COL1A2: variants seen among roughly 807,000 people sequenced by gnomAD.
COL1A2 encodes collagen type I alpha 2 chain.
In COL1A2, 49 loss-of-function variants were observed where a neutral mutation model predicts 174.3. That is an observed-to-expected ratio of 0.28 (90% confidence interval 0.22 to 0.36). The LOEUF (loss-of-function observed/expected upper bound fraction) is 0.36. Among genes scored for constraint, COL1A2 ranks in the 10% least tolerant of loss-of-function variants. COL1A2 has a pLI of 1.00. For missense variants in COL1A2, 1,438 were observed against 1,822.7 expected, an observed-to-expected ratio of 0.79 and a Z score of 3.84; for synonymous variants, 655 against 606.6, an observed-to-expected ratio of 1.08 and a Z score of -1.17.
At chr7:94,426,586 G>A in intron 46 of COL1A2, 56 bp downstream of exon 46, 1 of 1,339,806 alleles carries the variant, frequency 7.5e-7, no homozygotes, top group Non-Finnish European at 1.1e-6. Flanking sequence ...CTTCAGCTCA[G>A]AAGGATTTTC....
In COL1A2 at chr7:94,405,015, T is replaced by A. The variant is rs1791766363; in HGVS notation, c.432+123T>A. 2.6e-6 allele frequency: 3 copies of A among 1,176,074 alleles called. No homozygotes were observed. In the African/African-American group the frequency reaches 4.6e-5, roughly 18 times the overall value. 72.9% of individuals were successfully genotyped at this position (1,176,074 alleles called of 1,614,324 possible). The stretch of plus-strand genomic sequence containing the variant: ...AATATGCCTGACAGAACTCTTAATG[T>A]ATGGGAAATATTATTTTAATGAAAT... On this transcript the variant is annotated intron_variant, in intron 9 of 51. Coordinates refer to ENST00000297268, the MANE Select transcript of COL1A2 (RefSeq NM_000089.4).
rs978456747 is a variant in COL1A2 at position 94,427,823 on chromosome 7, C to T, written c.3464C>T (p.Ser1155Phe). The T allele has an allele frequency of 4.3e-6, 7 of 1,614,150 alleles. No homozygotes were observed. Among genetic ancestry groups the T allele is most frequent in the Non-Finnish European group, 5.1e-6 (6 of 1,180,012 alleles). The change falls in exon 49 of 52, where the codon TCT (serine) becomes TTT (phenylalanine). Residue 1155 changes from serine to phenylalanine, a missense_variant. Around this residue, in one of 3 missense-constraint regions of COL1A2, gnomAD observed 290 missense variants for 298.1 expected, o/e 0.97. Coordinates refer to ENST00000297268, the MANE Select transcript of COL1A2 (RefSeq NM_000089.4). Reference sequence around the variant, plus strand: ...GAGACCCTTCTTACTCCTGAAGGCTCTAGAAAGAACCCAGCTCGCACATGC... The same window carrying T: ...GAGACCCTTCTTACTCCTGAAGGCTTTAGAAAGAACCCAGCTCGCACATGC... ...QIETLLTPEG[S>F]RKNPARTCRD...
intron 29 of COL1A2, among the ~76,000 whole-genome samples, chr7:94,414,483 A>G (rs1186843017): frequency 1.3e-5 from 2 of 152,238 alleles, no homozygotes; most frequent in African/African-American, 2.4e-5. Context: ...ATTTAATGAA[A>G]CATCACCTTA....
In COL1A2 at chr7:94,409,358, G is replaced by A; in HGVS notation, c.829G>A (p.Gly277Ser). 6.2e-7 allele frequency: 1 copy of A among 1,614,148 alleles called. No individual in the cohort carries two copies. The highest frequency in any genetic ancestry group is 1.1e-5 in the South Asian group (1 of 91,078). ...IGAVGNAGPA[G>S]PAGPRGEVGL... ...AGCTGTTGGTAACGCTGGTCCTGCT[G>A]GTCCCGCCGGTCCCCGTGGTGAAGT... The change falls in exon 17 of 52, where the codon GGT becomes AGT. Residue 277 changes from glycine to serine, a missense_variant. By Grantham distance (56) the Gly-to-Ser change is moderately conservative. Around this residue, in one of 3 missense-constraint regions of COL1A2, gnomAD observed 867 missense variants for 1,213.7 expected, o/e 0.71. Coordinates refer to ENST00000297268, the MANE Select transcript of COL1A2 (RefSeq NM_000089.4).
rs111790035 is a variant in COL1A2 at position 94,413,641 on chromosome 7, A to T, written c.1558-49A>T. ...TACCTGAGGCTTTGAGACATCTTAA[A>T]CTACCTGGCTTGCAGCTAACCATCA... On this transcript the variant is annotated intron_variant, in intron 26 of 51. Transcript: ENST00000297268. The T allele has an allele frequency of 1.7e-5, 26 of 1,573,044 alleles. No homozygotes were observed. The African/African-American group carries it at 2.0e-4, about 12-fold the overall frequency.
chr7:94,403,873 T>C (rs1007085592), intron 6 of COL1A2, among the ~76,000 whole-genome samples: 1 of 152,206 alleles, frequency 6.6e-6, no homozygotes, highest in Non-Finnish European at 1.5e-5. Flanking sequence ...TACCCTACTT[T>C]TGTGCTATGG....
chr7:94,416,653 C>T (rs1279438774), intron 31 of COL1A2, 150 bp downstream of exon 31: 1 of 658,094 alleles, frequency 1.5e-6, no homozygotes, highest in African/African-American at 1.8e-5. Flanking sequence ...AATCCGATTC[C>T]AGTGGACCTG....
Position 94,423,045 on chromosome 7 carries a change from C to G in COL1A2, c.2492C>G (p.Thr831Ser), listed in dbSNP as rs749350262. The change falls in exon 40 of 52, where the codon ACT (threonine) becomes AGT (serine). Residue 831 changes from threonine (T) to serine (S), a missense_variant. This residue lies in a region of COL1A2 where 867 missense variants were observed against 1,213.7 expected (regional missense o/e 0.71). Transcript: ENST00000297268. The part of the protein sequence containing the change: ...PRGDQGPVGR[T>S]GEVGAVGPPG... ...GGTGACCAAGGTCCAGTTGGCCGAA[C>G]TGGAGAAGTAGGTGCAGTTGGTCCC... 6.2e-7 allele frequency: 1 copy of G among 1,614,114 alleles called. No homozygotes were observed. Among genetic ancestry groups the G allele is most frequent in the Non-Finnish European group, 8.5e-7 (1 of 1,179,994 alleles).
chr7:94,400,332 G>C, intron 5 of COL1A2, 44 bp downstream of exon 5: 1 of 1,507,036 alleles, frequency 6.6e-7, no homozygotes, highest in Non-Finnish European at 9.2e-7. Flanking sequence ...AACTTCAGTT[G>C]AAAGAAGGTT....
chr7:94,398,466 G>A, intron 3 of COL1A2, 70 bp downstream of exon 3: 1 of 654,910 alleles, frequency 1.5e-6, no homozygotes, highest in Non-Finnish European at 2.4e-6. Flanking sequence ...TAAATTTATA[G>A]TAGACTATAG....
At chr7:94,412,514 G>T (rs1456498337) in intron 24 of COL1A2, 70 bp from the exon 25 acceptor site, 2 of 1,161,126 alleles carry the variant, frequency 1.7e-6, no homozygotes, top group East Asian at 2.5e-5. Context: ...TTCATCCGTG[G>T]CAGCATCATA....
intron 18 of COL1A2, 36 bp from the exon 19 acceptor site, chr7:94,409,687 C>G (rs549594674): frequency 6.2e-7 from 1 of 1,612,916 alleles, no homozygotes; most frequent in Non-Finnish European, 8.5e-7. Flanking sequence ...CAGCCCATCA[C>G]CTCCCTAATG....
In COL1A2 at chr7:94,427,267, G is replaced by A. The variant is rs751898427; in HGVS notation, c.3239G>A (p.Arg1080Gln). The A allele has an allele frequency of 9.3e-6, 15 of 1,613,422 alleles. No homozygotes were observed. Among genetic ancestry groups the A allele is most frequent in the Admixed American group, 6.7e-5 (4 of 59,974 alleles). Reference protein sequence around the residue: ...HPGTVGPAGIRGPQGHQGPAG... With the variant: ...HPGTVGPAGIQGPQGHQGPAG... ...GGTACAGTTGGACCTGCTGGCATTC[G>A]AGGCCCTCAGGGTCACCAAGGCCCT... is the stretch of plus-strand genomic sequence containing the variant. Residue 1080 changes from arginine (R) to glutamine (Q), a missense_variant, in exon 48 of 52, where the codon CGA (arginine) becomes CAA (glutamine). Arg to Gln is a conservative substitution (Grantham distance 43). Around this residue, in one of 3 missense-constraint regions of COL1A2, gnomAD observed 867 missense variants for 1,213.7 expected, o/e 0.71. Coordinates refer to ENST00000297268, the MANE Select transcript of COL1A2 (RefSeq NM_000089.4).
intron 4 of COL1A2, among the ~76,000 whole-genome samples, chr7:94,399,795 T>C (rs921960265): frequency 2.6e-5 from 4 of 152,234 alleles, no homozygotes; most frequent in Non-Finnish European, 4.4e-5. Context: ...AGTTAATTCA[T>C]TCACATGTAA....
chr7:94,430,088 C>G (rs1792367546), intron 51 of COL1A2, 159 bp from the exon 52 acceptor site: 5 of 751,534 alleles, frequency 6.7e-6, no homozygotes, highest in South Asian at 1.6e-5. Flanking sequence ...CTAAAGACAC[C>G]CTTGATACTG....
At chr7:94,405,010 T>A in intron 9 of COL1A2, 118 bp downstream of exon 9, 1 of 1,215,288 alleles carries the variant, frequency 8.2e-7, no homozygotes, top group Non-Finnish European at 1.2e-6. Flanking sequence ...ACAGAACTCT[T>A]AATGTATGGG....
intron 12 of COL1A2, among the ~76,000 whole-genome samples, chr7:94,406,751 CA>C (rs1005109742): frequency 3.3e-5 from 5 of 152,068 alleles, no homozygotes; most frequent in Non-Finnish European, 5.9e-5. Context: ...TGTGCACACT[CA>C]AAAAAATTTT....
intron 23 of COL1A2, 49 bp from the exon 24 acceptor site, chr7:94,412,019 G>A: frequency 6.0e-6 from 9 of 1,489,278 alleles, no homozygotes; most frequent in Non-Finnish European, 7.5e-6. Flanking sequence ...TAAGGCTTGA[G>A]TATGTAAGTT....
chr7:94,412,650 A>C lies in COL1A2; in HGVS notation c.1471A>C (p.Asn491His). ...AGCTGGAGCAAGAGGAGAGCCTGGC[A>C]ACATTGGATTCCCTGGACCCAAAGG... ...GPAGARGEPGNIGFPGPKGPT... is the reference protein window; with the variant it reads ...GPAGARGEPGHIGFPGPKGPT... Residue 491 changes from asparagine to histidine, a missense_variant, in exon 25 of 52, where the codon AAC (asparagine) becomes CAC (histidine). Transcript: ENST00000297268. The C allele has an allele frequency of 6.2e-7, 1 of 1,614,150 alleles. No individual in the cohort carries two copies. Among genetic ancestry groups the C allele is most frequent in the Non-Finnish European group, 8.5e-7 (1 of 1,180,020 alleles).
Sources: gnomAD v4.1 joint callset for allele counts (sites outside exome capture counted in the v4.1 genomes callset) on GRCh38, gnomAD v4.1.1 for gene constraint, gnomAD v4.1.1 regional missense constraint, MANE v1.5 for transcripts, NCBI Gene and HGNC (gene_info 2026-07-23, HGNC 2026-07-21) for gene names.